The following LARS1 variants were observed in gnomAD, a reference collection of about 807,000 sequenced individuals.
The protein encoded by LARS1 is leucine--tRNA ligase, cytoplasmic.
LARS1 carries 100 observed loss-of-function variants against 162.8 expected under a neutral mutation model. The ratio of observed to expected loss-of-function variants is 0.61; its 90% CI spans 0.52 to 0.73. The LOEUF is 0.73. LARS1 is among the 30% of genes least tolerant of loss of function. LARS1 has a pLI of 0.00. For missense variants in LARS1, 1,258 were observed against 1,408.9 expected, an observed-to-expected ratio of 0.89 and a Z score of 1.71; for synonymous variants, 457 against 462.8, an observed-to-expected ratio of 0.99 and a Z score of 0.16.
rs1237673064 is a variant in LARS1, at chr5:146,122,474, G to A, written c.3192+18C>T. ...TGGTTTTAAAATGCAATGATTCAGT[G>A]AGATTCCTTCAACTTACTTCTATTC... On this transcript the variant is annotated intron_variant, in intron 30 of 31. Transcript: ENST00000394434. 17 of 1,359,446 alleles carry A rather than the reference G, an allele frequency of 1.3e-5. No individual in the cohort carries two copies. In the East Asian group the frequency reaches 1.6e-4, roughly 13 times the overall value. 84.2% of individuals were successfully genotyped at this position (1,359,446 alleles called of 1,614,324 possible). A position where few individuals can be genotyped will look rare whatever the true frequency, so the allele number is the denominator to read the frequency against.
In LARS1 at chr5:146,143,489, G is replaced by T; in HGVS notation, c.1800C>A (p.Tyr600Ter). 1 of 1,614,042 alleles carries T rather than the reference G, an allele frequency of 6.2e-7. No homozygotes were observed. The highest frequency in any genetic ancestry group is 8.5e-7 in the Non-Finnish European group (1 of 1,179,948). ...LIESLSDSTIYMAFYTVAHLL... is the reference protein window; with the variant it reads ...LIESLSDSTI Reference sequence around the variant, plus strand: ...GGTGTGCAACTGTGTAAAATGCCATGTAAATAGTGGAGTCAGAAAGTGATT... The same window carrying T: ...GGTGTGCAACTGTGTAAAATGCCATTTAAATAGTGGAGTCAGAAAGTGATT... The change falls in exon 19 of 32, where the codon TAC becomes TAA. Residue 600 changes from tyrosine (Y) to a stop codon, truncating the protein, a stop_gained. Transcript: ENST00000394434. LOFTEE classifies it high-confidence loss of function.
At chr5:146,168,388 T>A in intron 4 of LARS1, 123 bp from the exon 5 acceptor site, 1 of 969,914 alleles carries the variant, frequency 1.0e-6, no homozygotes, top group Non-Finnish European at 1.5e-6. Context: ...GATACCTATG[T>A]GGCTCCACTA....
chr5:146,145,818 A>G (rs755864562), intron 15 of LARS1, among the ~76,000 whole-genome samples: 49 of 152,238 alleles, frequency 3.2e-4, no homozygotes, highest in Non-Finnish European at 6.5e-4. Flanking sequence ...AATTCCAATA[A>G]AAAGACAACA....
rs761150466 is a variant in LARS1 at position 146,164,349 on chromosome 5, C to A, written c.555G>T (p.Pro185=). 3.1e-6 allele frequency: 5 copies of A among 1,614,038 alleles called. No homozygotes were observed. Among genetic ancestry groups the A allele is most frequent in the Non-Finnish European group, 4.2e-6 (5 of 1,179,974 alleles). The change falls in exon 6 of 32, where the codon CCG becomes CCT. Residue 185 remains proline, a synonymous_variant. Coordinates refer to ENST00000394434, the MANE Select transcript of LARS1 (RefSeq NM_020117.11). The part of the protein sequence containing the change: ...SEAEHWLDYF[P]PLAIQDLKRM... Reference sequence around the variant, plus strand: ...TTTTTAAATCCTGAATAGCCAGTGGCGGGAAATAATCAAGCCAATGTTCTG... The same window carrying A: ...TTTTTAAATCCTGAATAGCCAGTGGAGGGAAATAATCAAGCCAATGTTCTG...
At position 146,133,025 on chromosome 5, in the gene LARS1, C is replaced by T. The variant is rs776852584; in HGVS notation, c.2269G>A (p.Glu757Lys). The T allele has an allele frequency of 7.4e-6, 12 of 1,614,044 alleles. No homozygotes were observed. The South Asian group carries it at 1.2e-4, about 16-fold the overall frequency. Reference protein sequence around the residue: ...GDTVEDANFVEAMADAGILRL... With the variant: ...GDTVEDANFVKAMADAGILRL... ...AGAATACCTGCATCTGCCATGGCTT[C>T]CACAAAGTTGGCATCTTCTACAGTG... The change falls in exon 23 of 32, where the codon GAA (glutamate) becomes AAA (lysine). Residue 757 changes from glutamate (E) to lysine (K), a missense_variant. Glu to Lys is a moderately conservative substitution (Grantham distance 56, BLOSUM62 1). Transcript: ENST00000394434.
rs1041577018 is a variant in LARS1, at chr5:146,126,339, T to C, written c.2991+96A>G. On this transcript the variant is annotated intron_variant, in intron 28 of 31. Coordinates refer to ENST00000394434, the MANE Select transcript of LARS1 (RefSeq NM_020117.11). ...GAAAAGTGCTATTTTAGCAGATTTC[T>C]GGCAGGAGACTATGTCCAAGGCTTT... 6.1e-6 allele frequency: 4 copies of C among 656,604 alleles called. No homozygotes were observed. In the African/African-American group the frequency reaches 7.3e-5, roughly 12 times the overall value. The allele number at this position is 656,604 out of a possible 1,614,324, so 40.7% of individuals were successfully genotyped here.
At chr5:146,174,447 A>AATACATATATATATATCCAT (rs1561497622) in intron 2 of LARS1, among the ~76,000 whole-genome samples, 1 of 110,458 alleles carries the variant, frequency 9.1e-6, no homozygotes, top group African/African-American at 2.9e-5. Context: ...CTCTGTCTCA[A>AATACATATATATATATCCAT]ATATATATAT....
At chr5:146,154,503 C>A (rs897334852) in intron 10 of LARS1, among the ~76,000 whole-genome samples, 1 of 152,178 alleles carries the variant, frequency 6.6e-6, no homozygotes, top group Non-Finnish European at 1.5e-5. Flanking sequence ...ACAGGCTGAG[C>A]GCGGTGGCTA....
rs902031093 is a variant in LARS1 at position 146,151,928 on chromosome 5, G to A, written c.1359C>T (p.Ser453=). ...VTICDELKIQ[S]QNDREKLAEA... Reference sequence around the variant, plus strand: ...CTGCAAGTTTTTCCCGGTCATTCTGGCTCTGAATTTTCAACTCATCACAAA... The same window carrying A: ...CTGCAAGTTTTTCCCGGTCATTCTGACTCTGAATTTTCAACTCATCACAAA... Residue 453 remains serine (S), a synonymous_variant, in exon 14 of 32, where the codon AGC becomes AGT. Coordinates refer to ENST00000394434, the MANE Select transcript of LARS1 (RefSeq NM_020117.11). 1.2e-6 allele frequency: 2 copies of A among 1,613,908 alleles called. No homozygotes were observed. The highest frequency in any genetic ancestry group is 8.5e-7 in the Non-Finnish European group (1 of 1,179,948).
At chr5:146,144,748 C>T in intron 15 of LARS1, 39 bp from the exon 16 acceptor site, 1 of 1,512,048 alleles carries the variant, frequency 6.6e-7, no homozygotes, top group Non-Finnish European at 9.2e-7. Flanking sequence ...GATACTATGT[C>T]AAATCAATCT....
intron 4 of LARS1, among the ~76,000 whole-genome samples, chr5:146,168,484 C>T (rs551981885): frequency 6.6e-6 from 1 of 152,198 alleles, no homozygotes; most frequent in East Asian, 1.9e-4. Flanking sequence ...GATCACTTGT[C>T]AGGAGTTCGA....
chr5:146,180,864 A>T (rs527353185), intron 1 of LARS1: 1 of 152,284 alleles, frequency 6.6e-6, no homozygotes, highest in East Asian at 1.9e-4. Flanking sequence ...TGGGCCAAAT[A>T]ATTCTTTGTT....
chr5:146,169,153 T>C (rs1224271525), intron 4 of LARS1, among the ~76,000 whole-genome samples: 1 of 152,202 alleles, frequency 6.6e-6, no homozygotes, highest in Non-Finnish European at 1.5e-5. Context: ...ATATACTCTA[T>C]TAGTTATCAT....
chr5:146,182,321 G>A, intron 1 of LARS1, 167 bp downstream of exon 1: 1 of 776,728 alleles, frequency 1.3e-6, no homozygotes, highest in Admixed American at 2.1e-5. Context: ...ACATCAGTTC[G>A]TGGTTCATAA....
chr5:146,181,381 C>CA (rs754114707), intron 1 of LARS1, among the ~76,000 whole-genome samples: 3,893 of 133,684 alleles, frequency 0.029, 56 homozygotes, highest in Non-Finnish European at 0.042. Context: ...AAACAAAAAA[C>CA]AAAAAAAAAT....
At chr5:146,169,146 T>C (rs1754149234) in intron 4 of LARS1, among the ~76,000 whole-genome samples, 3 of 152,164 alleles carry the variant, frequency 2.0e-5, no homozygotes, top group South Asian at 2.1e-4. Context: ...CTGTCACATA[T>C]ACTCTATTAG....
intron 17 of LARS1, 23 bp downstream of exon 17, chr5:146,144,449 T>C: frequency 6.2e-7 from 1 of 1,607,274 alleles, no homozygotes; most frequent in East Asian, 2.2e-5. Context: ...TTTTTCCTCC[T>C]TCATCACTTT....
At position 146,115,045 on chromosome 5, in the gene LARS1, G is replaced by A. The variant is rs1231536915; in HGVS notation, c.3326-734C>T. Among the ~76,000 whole-genome samples, 585 of 91,090 alleles carry A rather than the reference G, an allele frequency of 6.4e-3. 6 individuals are homozygous for A. Among genetic ancestry groups the A allele is most frequent in the African/African-American group, 0.022 (553 of 25,306 alleles). The allele number at this position is 91,090 out of a possible 152,430, so 59.8% of individuals were successfully genotyped here. ...GCAACAGAGCAAGATTCTGTCGGGGGGAAAAAAAAAAAAAAAAAAAAACAA... is the reference window on the plus strand; with the variant it reads ...GCAACAGAGCAAGATTCTGTCGGGGAGAAAAAAAAAAAAAAAAAAAAACAA... On this transcript the variant is annotated intron_variant, in intron 31 of 31. Coordinates refer to ENST00000394434, the MANE Select transcript of LARS1 (RefSeq NM_020117.11).
chr5:146,172,777 GC>G lies in LARS1; in HGVS notation c.126-4del. The G allele has an allele frequency of 6.6e-7, 1 of 1,515,654 alleles. No individual in the cohort carries two copies. Among genetic ancestry groups the G allele is most frequent in the Admixed American group, 2.0e-5 (1 of 50,736 alleles). The allele number at this position is 1,515,654 out of a possible 1,614,324, so 93.9% of individuals were successfully genotyped here. A position where few individuals can be genotyped will look rare whatever the true frequency, so the allele number is the denominator to read the frequency against. ...AGGTTACAAAATACTTGCCCTTGCT[GC>G]AAAACAACAGTATAAAAAAGAAAGT... On this transcript the variant is annotated splice_region_variant and splice_polypyrimidine_tract_variant and intron_variant, in intron 2 of 31. Transcript: ENST00000394434.
Sources: allele counts gnomAD v4.1 joint callset (sites outside exome capture counted in the v4.1 genomes callset), GRCh38; gene constraint gnomAD v4.1.1; transcripts MANE v1.5; gene names NCBI Gene and HGNC (gene_info 2026-07-23, HGNC 2026-07-21).